Variants in GDA observed in about 807,000 individuals in gnomAD.
The protein encoded by GDA is cytoplasmic PSD-95 interactor.
In GDA, 18 loss-of-function variants were observed where a neutral mutation model predicts 59.6. That is an observed-to-expected ratio of 0.30 (90% CI 0.21 to 0.45). The LOEUF (loss-of-function observed/expected upper bound fraction) is 0.45, where lower values mean the gene tolerates loss of function less well. GDA is among the 20% of genes least tolerant of loss of function. The probability of loss-of-function intolerance (pLI) is 1.00; values close to 1 mark genes in which losing one functional copy is unlikely to be tolerated. For missense variants in GDA, 427 were observed against 552.3 expected (o/e 0.77, Z 2.27); for synonymous variants, 201 against 201.1 (o/e 1.00, Z 0.00).
At chr9:72,211,157 A>G (rs1835307887) in intron 4 of GDA, among the ~76,000 whole-genome samples, 1 of 152,196 alleles carries the variant, frequency 6.6e-6, no homozygotes, top group Non-Finnish European at 1.5e-5. Flanking sequence ...GCTATTGGCT[A>G]GAGTCAGGGC....
chr9:72,198,862 A>AT (rs1564025002), intron 2 of GDA, among the ~76,000 whole-genome samples: 7 of 91,824 alleles, frequency 7.6e-5, no homozygotes, highest in African/African-American at 2.7e-4. Context: ...TATATATATA[A>AT]AATTTTTTTT....
At position 72,249,287 on chromosome 9, in the gene GDA, G is replaced by A. The variant is rs1006872509; in HGVS notation, c.*945G>A. 13 of 985,094 alleles carry A rather than the reference G, an allele frequency of 1.3e-5. No homozygotes were observed. Among genetic ancestry groups the A allele is most frequent in the Non-Finnish European group, 1.4e-5 (12 of 829,814 alleles). 61.0% of individuals were successfully genotyped at this position (985,094 alleles called of 1,614,324 possible). On this transcript the variant is annotated 3_prime_UTR_variant, in exon 14 of 14. Coordinates refer to ENST00000358399, the MANE Select transcript of GDA (RefSeq NM_004293.5). The stretch of plus-strand genomic sequence containing the variant: ...TAACAGGACAGGTTCCATTGCCATG[G>A]CCTATTCCACCCAAACAATATGTTG...
chr9:72,142,114 A>G (rs1409223154), intron 1 of GDA, among the ~76,000 whole-genome samples: 2 of 152,132 alleles, frequency 1.3e-5, no homozygotes, highest in Admixed American at 1.3e-4. Context: ...TTTGATTTGA[A>G]TTATGTGAAC....
chr9:72,246,857 G>A (rs1347547992), intron 12 of GDA, among the ~76,000 whole-genome samples: 1 of 152,056 alleles, frequency 6.6e-6, no homozygotes, highest in African/African-American at 2.4e-5. Context: ...TAGGGCTCTA[G>A]GGAATAGTCC....
chr9:72,140,955 A>G (rs1826419397), intron 1 of GDA, among the ~76,000 whole-genome samples: 1 of 152,140 alleles, frequency 6.6e-6, no homozygotes, highest in Admixed American at 6.5e-5. Flanking sequence ...GTTTTCTGTC[A>G]CTTTCAGCCT....
chr9:72,144,874 A>G (rs1010318475), upstream of GDA, among the ~76,000 whole-genome samples: 2 of 151,894 alleles, frequency 1.3e-5, no homozygotes, highest in Admixed American at 6.6e-5. Flanking sequence ...TCCCATCTCA[A>G]ATTTTTGGTG....
At chr9:72,146,802 G>A (rs1826655906), upstream of GDA, among the ~76,000 whole-genome samples, 1 of 152,162 alleles carries the variant, frequency 6.6e-6, no homozygotes, top group Non-Finnish European at 1.5e-5. Context: ...GGGAAGCCAA[G>A]ACTTCTGGCA....
intron 1 of GDA, among the ~76,000 whole-genome samples, chr9:72,194,696 C>G (rs537928224): frequency 6.6e-6 from 1 of 152,150 alleles, no homozygotes; most frequent in African/African-American, 2.4e-5. Flanking sequence ...CTAGGACTCA[C>G]ACAAAAGTTG....
intron 5 of GDA, among the ~76,000 whole-genome samples, chr9:72,215,326 A>G (rs891780258): frequency 1.0e-5 from 1 of 98,128 alleles, no homozygotes; most frequent in Non-Finnish European, 2.4e-5. Context: ...ACAAAAAGGT[A>G]TAAAGAAGAA....
chr9:72,158,793 CACTT>C (rs540408168), intron 1 of GDA, among the ~76,000 whole-genome samples: 280 of 152,218 alleles, frequency 1.8e-3, no homozygotes, highest in African/African-American at 6.4e-3. Flanking sequence ...GAAAAGGTAA[CACTT>C]ACTAAGTCAT....
chr9:72,162,057 G>A (rs1467242733), intron 1 of GDA, among the ~76,000 whole-genome samples: 1 of 152,062 alleles, frequency 6.6e-6, no homozygotes, highest in African/African-American at 2.4e-5. Context: ...GTGGTCTCAG[G>A]TACCCTTTAA....
intron 1 of GDA, among the ~76,000 whole-genome samples, chr9:72,119,263 A>C (rs1325395405): frequency 6.6e-6 from 1 of 152,176 alleles, no homozygotes; most frequent in Non-Finnish European, 1.5e-5. Context: ...CCAGCACTTC[A>C]GGAGGCCGAG....
intron 5 of GDA, among the ~76,000 whole-genome samples, chr9:72,217,516 T>C (rs544173514): frequency 2.0e-5 from 3 of 152,354 alleles, no homozygotes; most frequent in Non-Finnish European, 4.4e-5. Flanking sequence ...TTTGCCAAGG[T>C]CACTGTGTGG....
chr9:72,241,353 C>G, intron 11 of GDA, 55 bp downstream of exon 11: 2 of 1,342,482 alleles, frequency 1.5e-6, no homozygotes, highest in Non-Finnish European at 2.1e-6. Flanking sequence ...TGATCGGTGT[C>G]TTTGGATGTA....
chr9:72,214,108 T>A lies in GDA; in HGVS notation c.578+117T>A, dbSNP rs543384953. The A allele has an allele frequency of 5.6e-5, 35 of 626,436 alleles. No homozygotes were observed. The African/African-American group carries it at 5.7e-4, about 10-fold the overall frequency. The allele number at this position is 626,436 out of a possible 1,614,324, so 38.8% of individuals were successfully genotyped here. ...TTATCACCCAGTTGGGATGTGCACA[T>A]AGTGACTCAGAATGTTCTGTTTAAT... is the stretch of plus-strand genomic sequence containing the variant. On this transcript the variant is annotated intron_variant, in intron 5 of 13. Coordinates refer to ENST00000358399, the MANE Select transcript of GDA (RefSeq NM_004293.5).
chr9:72,252,816 A>G (rs1447047802), downstream of GDA, among the ~76,000 whole-genome samples: 5 of 152,114 alleles, frequency 3.3e-5, no homozygotes, highest in Non-Finnish European at 7.4e-5. Flanking sequence ...TTAAGTGTCC[A>G]TTTCTAACTC....
At position 72,198,925 on chromosome 9, in the gene GDA, G is replaced by A. The variant is rs1440169195; in HGVS notation, c.212+3337G>A. Among the ~76,000 whole-genome samples the A allele has an allele frequency of 4.0e-5, 6 of 150,236 alleles. 1 individual carries two copies. The South Asian group carries it at 8.4e-4, about 21-fold the overall frequency. On this transcript the variant is annotated intron_variant, in intron 2 of 13. Coordinates refer to ENST00000358399, the MANE Select transcript of GDA (RefSeq NM_004293.5). ...CACTGCAGATTTGGAATACCTGGGG[G>A]AAGTTGAGATTCTCTGAGGAAATTA...
rs187680188 is a variant in GDA, at chr9:72,219,906, C to T, written c.606+400C>T. ...TTGACCATCATCTCCCCACATAAGC[C>T]AGCAATCCCACTTTTGGGTGTATAT... On this transcript the variant is annotated intron_variant, in intron 6 of 13. Coordinates refer to ENST00000358399, the MANE Select transcript of GDA (RefSeq NM_004293.5). 3.5e-3 allele frequency among the ~76,000 whole-genome samples: 535 copies of T among 152,178 alleles called. 3 individuals carry two copies. The highest frequency in any genetic ancestry group is 0.012 in the African/African-American group (513 of 41,514).
At chr9:72,119,178 A>C (rs905104472) in intron 1 of GDA, among the ~76,000 whole-genome samples, 1 of 152,196 alleles carries the variant, frequency 6.6e-6, no homozygotes, top group Admixed American at 6.5e-5. Context: ...GGAGGAAATA[A>C]TGTTTAGGAA....
Sources: allele counts gnomAD v4.1 joint callset (sites outside exome capture counted in the v4.1 genomes callset), GRCh38; gene constraint gnomAD v4.1.1; transcripts MANE v1.5; gene names NCBI Gene and HGNC (gene_info 2026-07-23, HGNC 2026-07-21).